Variants in PPP3CA observed in about 807,000 individuals in gnomAD.
PPP3CA encodes CAM-PRP catalytic subunit.
A neutral mutation model predicts 66.5 loss-of-function variants in PPP3CA; 14 were observed. The observed-to-expected ratio is 0.21, with a 90% confidence interval of 0.14 to 0.33. The LOEUF is 0.33. PPP3CA is among the 10% of genes least tolerant of loss of function. The pLI is 1.00. For missense variants in PPP3CA, 317 were observed against 639.5 expected (o/e 0.50, Z 5.44); for synonymous variants, 232 against 226.2 (o/e 1.03, Z -0.23).
chr4:101,161,098 T>G (rs1276791575), intron 2 of PPP3CA, among the ~76,000 whole-genome samples: 1 of 152,138 alleles, frequency 6.6e-6, no homozygotes, highest in Non-Finnish European at 1.5e-5. Flanking sequence ...ATACTTACCT[T>G]TGTGTTACAA....
intron 11 of PPP3CA, among the ~76,000 whole-genome samples, chr4:101,037,655 C>A (rs1727312786): frequency 6.6e-6 from 1 of 152,018 alleles, no homozygotes. Context: ...ACCTTGCTAG[C>A]CAATCTTCAC....
At chr4:101,342,306 T>C (rs1372521589) in intron 1 of PPP3CA, among the ~76,000 whole-genome samples, 2 of 152,312 alleles carry the variant, frequency 1.3e-5, no homozygotes, top group Admixed American at 1.3e-4. Flanking sequence ...TTCTAATTGA[T>C]GGCATTTTAG....
At chr4:101,112,782 A>G (rs1721715961) in intron 2 of PPP3CA, among the ~76,000 whole-genome samples, 1 of 152,088 alleles carries the variant, frequency 6.6e-6, no homozygotes, top group Non-Finnish European at 1.5e-5. Context: ...CACAATTAGC[A>G]TTATCTAATT....
Position 101,346,902 on chromosome 4 carries a change from C to CGCCGCG in PPP3CA, c.-107_-106insCGCGGC. ...ACGCCGCCGCCGCCGCCGCCGCCGCCGCGCTGCAAACCGCTCGGCTGGAGG... is the reference window on the plus strand; with the variant it reads ...ACGCCGCCGCCGCCGCCGCCGCCGCCGCCGCGGCGCTGCAAACCGCTCGGCTGGAGG... On this transcript the variant is annotated 5_prime_UTR_variant, in exon 1 of 14. Transcript: ENST00000394854. 1 of 1,372,214 alleles carries CGCCGCG rather than the reference C, an allele frequency of 7.3e-7. No homozygotes were observed. The highest frequency in any genetic ancestry group is 1.0e-6 in the Non-Finnish European group (1 of 991,322). 85.0% of individuals were successfully genotyped at this position (1,372,214 alleles called of 1,614,324 possible).
intron 1 of PPP3CA, among the ~76,000 whole-genome samples, chr4:101,295,307 CAAA>C (rs527366396): frequency 4.8e-5 from 2 of 42,054 alleles, no homozygotes; most frequent in African/African-American, 1.7e-4. Flanking sequence ...GACTCCGTCT[CAAA>C]AAAAAAAAAA....
chr4:101,092,760 T>C (rs1730013019), intron 6 of PPP3CA, among the ~76,000 whole-genome samples: 2 of 152,168 alleles, frequency 1.3e-5, no homozygotes, highest in Admixed American at 1.3e-4. Context: ...TCCAGCTTCA[T>C]CCATGTCCCT....
chr4:101,126,404 T>G (rs1159003699), intron 2 of PPP3CA, among the ~76,000 whole-genome samples: 1 of 152,236 alleles, frequency 6.6e-6, no homozygotes. Context: ...CTAAGTTAAG[T>G]ACAATTTCCA....
intron 2 of PPP3CA, among the ~76,000 whole-genome samples, chr4:101,136,464 C>G (rs1722624002): frequency 6.6e-6 from 1 of 152,082 alleles, no homozygotes; most frequent in South Asian, 2.1e-4. Context: ...TGGCTTGAAC[C>G]CGGGAGGCAG....
At chr4:101,038,337 T>C (rs1053192549) in intron 11 of PPP3CA, among the ~76,000 whole-genome samples, 1 of 152,086 alleles carries the variant, frequency 6.6e-6, no homozygotes, top group African/African-American at 2.4e-5. Flanking sequence ...CAGCAGGGTA[T>C]CTATTCATGT....
chr4:101,177,879 A>G (rs966295549), intron 2 of PPP3CA, among the ~76,000 whole-genome samples: 6 of 152,044 alleles, frequency 3.9e-5, no homozygotes, highest in African/African-American at 1.4e-4. Context: ...TATCCAGAGT[A>G]CACTACTATA....
intron 4 of PPP3CA, 97 bp downstream of exon 4, chr4:101,099,514 C>A: frequency 1.7e-6 from 1 of 590,862 alleles, no homozygotes; most frequent in South Asian, 2.7e-5. Context: ...AAGTCTTTGA[C>A]TTTAGGCAAT....
At chr4:101,057,631 C>CA (rs924083805) in intron 10 of PPP3CA, among the ~76,000 whole-genome samples, 7 of 152,140 alleles carry the variant, frequency 4.6e-5, no homozygotes, top group African/African-American at 1.7e-4. Flanking sequence ...AATGGAGAGG[C>CA]ATTCAGCATT....
At chr4:101,307,619 G>A (rs1441817789) in intron 1 of PPP3CA, among the ~76,000 whole-genome samples, 3 of 152,268 alleles carry the variant, frequency 2.0e-5, no homozygotes, top group East Asian at 3.9e-4. Context: ...CTGGTCATAA[G>A]TCCAGTGTTA....
Position 101,024,903 on chromosome 4 carries a change from G to C in PPP3CA, c.*962C>G, listed in dbSNP as rs1011747001. The C allele has an allele frequency of 1.3e-5, 2 of 151,246 alleles. No individual in the cohort carries two copies. Among genetic ancestry groups the C allele is most frequent in the East Asian group, 3.9e-4 (2 of 5,132 alleles). 9.4% of individuals were successfully genotyped at this position (151,246 alleles called of 1,614,324 possible). On this transcript the variant is annotated 3_prime_UTR_variant, in exon 14 of 14. Coordinates refer to ENST00000394854, the MANE Select transcript of PPP3CA (RefSeq NM_000944.5). ...AGCGCATTACAGTCCCATACAGGCC[G>C]ATACAGCCATTTTTTTTTTCTTAAA...
chr4:101,054,284 G>C (rs1224407637), intron 10 of PPP3CA, among the ~76,000 whole-genome samples: 3 of 152,020 alleles, frequency 2.0e-5, no homozygotes, highest in Non-Finnish European at 4.4e-5. Context: ...ATGGCTCTTA[G>C]TATATGTGCT....
intron 2 of PPP3CA, among the ~76,000 whole-genome samples, chr4:101,185,762 C>A (rs891052487): frequency 6.6e-6 from 1 of 152,148 alleles, no homozygotes; most frequent in Non-Finnish European, 1.5e-5. Context: ...GGCTCTGGAA[C>A]CAGACTGCCT....
At chr4:101,220,191 A>C (rs1395866541) in intron 1 of PPP3CA, among the ~76,000 whole-genome samples, 1 of 151,788 alleles carries the variant, frequency 6.6e-6, no homozygotes, top group Non-Finnish European at 1.5e-5. Flanking sequence ...ACTTTTTATA[A>C]AAGATGTTCA....
chr4:101,093,909 G>A lies in PPP3CA; in HGVS notation c.649C>T (p.Arg217Ter). 1 of 1,595,926 alleles carries A rather than the reference G, an allele frequency of 6.3e-7. No individual in the cohort carries two copies. Among genetic ancestry groups the A allele is most frequent in the Non-Finnish European group, 8.5e-7 (1 of 1,173,590 alleles). The change falls in exon 6 of 14, where the codon CGA (arginine) becomes TGA (stop). Residue 217 changes from arginine (R) to a stop codon, truncating the protein, a stop_gained. Coordinates refer to ENST00000394854, the MANE Select transcript of PPP3CA (RefSeq NM_000944.5). LOFTEE classifies it high-confidence loss of function. The part of the protein sequence containing the change: ...NTLDDIRKLD[R>*]FKEPPAYGPM... ...CCATATGCAGGTGGTTCTTTGAATC[G>A]GTCTAACTAAGAAAAATAGAAGACA...
At chr4:101,068,767 T>C (rs1024935946) in intron 8 of PPP3CA, among the ~76,000 whole-genome samples, 1 of 152,140 alleles carries the variant, frequency 6.6e-6, no homozygotes, top group Non-Finnish European at 1.5e-5. Flanking sequence ...TTAATATTAT[T>C]AATAACTTAA....
Sources: gnomAD v4.1 joint callset for allele counts (sites outside exome capture counted in the v4.1 genomes callset) on GRCh38, gnomAD v4.1.1 for gene constraint, MANE v1.5 for transcripts, NCBI Gene and HGNC (gene_info 2026-07-23, HGNC 2026-07-21) for gene names.